The following PTPRT variants were observed in gnomAD, a reference collection of about 807,000 sequenced individuals.
The protein encoded by PTPRT is receptor-type tyrosine-protein phosphatase T.
In PTPRT, 56 loss-of-function variants were observed where a neutral mutation model predicts 176.8. The ratio of observed to expected loss-of-function variants is 0.32; its 90% CI spans 0.26 to 0.40. The LOEUF is 0.40. PTPRT is among the 10% of genes least tolerant of loss of function. The pLI is 1.00. For synonymous variants in PTPRT, 783 were observed against 739.0 expected (o/e 1.06, Z -0.96); for missense variants, 1,540 against 1,908.2 (o/e 0.81, Z 3.60).
chr20:42,121,697 TTATATA>T (rs3086717), intron 19 of PTPRT, among the ~76,000 whole-genome samples: 22 of 140,518 alleles, frequency 1.6e-4, no homozygotes, highest in African/African-American at 4.3e-4. Context: ...AAGAAATTTT[TTATATA>T]TATATATATA....
intron 1 of PTPRT, among the ~76,000 whole-genome samples, chr20:43,057,652 T>C (rs1568758575): frequency 6.6e-6 from 1 of 152,242 alleles, no homozygotes; most frequent in Non-Finnish European, 1.5e-5. Context: ...CTCTGTACTA[T>C]GTTTGCAACT....
chr20:42,555,845 A>C (rs992783092), intron 7 of PTPRT, among the ~76,000 whole-genome samples: 1 of 152,208 alleles, frequency 6.6e-6, no homozygotes, highest in Non-Finnish European at 1.5e-5. Context: ...GGAATGAGAA[A>C]ACATGTGGCG....
At chr20:42,524,910 G>C (rs1757932135) in intron 7 of PTPRT, among the ~76,000 whole-genome samples, 4 of 151,922 alleles carry the variant, frequency 2.6e-5, no homozygotes, top group Admixed American at 2.0e-4. Context: ...TATGTCTGCT[G>C]AGTTTGTCAT....
At chr20:42,432,908 T>G (rs1414956366) in intron 9 of PTPRT, among the ~76,000 whole-genome samples, 1 of 152,182 alleles carries the variant, frequency 6.6e-6, no homozygotes, top group Non-Finnish European at 1.5e-5. Flanking sequence ...TCCGACTATC[T>G]TGGGCACACT....
At chr20:42,457,812 C>T (rs2070948957) in intron 8 of PTPRT, among the ~76,000 whole-genome samples, 1 of 152,150 alleles carries the variant, frequency 6.6e-6, no homozygotes, top group African/African-American at 2.4e-5. Context: ...CTACCCCTTC[C>T]TGTAATTGTT....
intron 1 of PTPRT, among the ~76,000 whole-genome samples, chr20:43,007,572 T>C (rs1448225750): frequency 6.6e-6 from 1 of 152,192 alleles, no homozygotes; most frequent in East Asian, 1.9e-4. Context: ...AATTATCCAA[T>C]TTGAACCATG....
At chr20:43,102,284 T>TCTCTCACACACACA (rs138696752) in intron 1 of PTPRT, among the ~76,000 whole-genome samples, 1 of 140,452 alleles carries the variant, frequency 7.1e-6, no homozygotes, top group African/African-American at 2.7e-5. Flanking sequence ...CACTCACACA[T>TCTCTCACACACACA]CACACACACA....
intron 7 of PTPRT, among the ~76,000 whole-genome samples, chr20:42,515,809 G>A (rs2072054342): frequency 6.6e-6 from 1 of 151,448 alleles, no homozygotes; most frequent in Non-Finnish European, 1.5e-5. Flanking sequence ...GCACACGTAT[G>A]TTTATTGCGG....
intron 15 of PTPRT, among the ~76,000 whole-genome samples, chr20:42,231,441 G>T (rs2056133198): frequency 6.6e-6 from 1 of 152,224 alleles, no homozygotes; most frequent in Non-Finnish European, 1.5e-5. Flanking sequence ...CATATACTTT[G>T]CAGGGCTTGT....
intron 16 of PTPRT, among the ~76,000 whole-genome samples, chr20:42,171,287 T>C (rs1165166922): frequency 6.6e-6 from 1 of 152,096 alleles, no homozygotes; most frequent in African/African-American, 2.4e-5. Flanking sequence ...AAAAGTTGAT[T>C]TGGTAAACAC....
intron 9 of PTPRT, among the ~76,000 whole-genome samples, chr20:42,390,724 C>T (rs1033958944): frequency 6.6e-6 from 1 of 152,184 alleles, no homozygotes; most frequent in Non-Finnish European, 1.5e-5. Context: ...CAGCTGACAT[C>T]TCAACTGCAA....
intron 1 of PTPRT, among the ~76,000 whole-genome samples, chr20:43,003,500 C>A (rs143554515): frequency 1.2e-3 from 181 of 152,308 alleles, no homozygotes; most frequent in East Asian, 3.9e-4. Context: ...CCACGCCCAG[C>A]CTCTTGTGCT....
chr20:42,391,935 A>T (rs1284031290), intron 9 of PTPRT, among the ~76,000 whole-genome samples: 1 of 152,152 alleles, frequency 6.6e-6, no homozygotes, highest in African/African-American at 2.4e-5. Context: ...GATGCCCTAC[A>T]GGAGTCAACA....
intron 14 of PTPRT, among the ~76,000 whole-genome samples, chr20:42,242,392 T>G (rs1172107920): frequency 1.3e-5 from 2 of 152,242 alleles, no homozygotes; most frequent in Non-Finnish European, 2.9e-5. Flanking sequence ...GAGATGAAGA[T>G]GAATCAGAAT....
intron 1 of PTPRT, among the ~76,000 whole-genome samples, chr20:43,060,283 C>T (rs1803833183): frequency 6.6e-6 from 1 of 152,280 alleles, no homozygotes; most frequent in East Asian, 1.9e-4. Flanking sequence ...TTCAAGGCTA[C>T]AAGAAGTTCT....
chr20:42,046,778 A>AGTGTGTGTGTGTGT, the PTPRT span, among the ~76,000 whole-genome samples: 108 of 150,808 alleles, frequency 7.2e-4, no homozygotes, highest in Middle Eastern at 3.4e-3. Context: ...TTGTCATGTG[A>AGTGTGTGTGTGTGT]GTGTGTGTGT....
intron 2 of PTPRT, among the ~76,000 whole-genome samples, chr20:42,855,741 T>C (rs572843064): frequency 6.6e-6 from 1 of 152,102 alleles, no homozygotes; most frequent in East Asian, 1.9e-4. Context: ...CCATCCTCCC[T>C]TTCAAGATGG....
intron 12 of PTPRT, among the ~76,000 whole-genome samples, chr20:42,308,808 T>C (rs1034642650): frequency 3.9e-5 from 6 of 152,210 alleles, no homozygotes; most frequent in Non-Finnish European, 7.3e-5. Flanking sequence ...ACCATTTCTT[T>C]AACAGTGGTT....
chr20:42,127,608 C>T (rs1289480975), intron 19 of PTPRT, among the ~76,000 whole-genome samples: 2 of 152,186 alleles, frequency 1.3e-5, no homozygotes, highest in African/African-American at 4.8e-5. Flanking sequence ...TCTATAAATA[C>T]ATTTGAGAGT....
Sources: allele counts gnomAD v4.1 joint callset (sites outside exome capture counted in the v4.1 genomes callset), GRCh38; gene constraint gnomAD v4.1.1; transcripts MANE v1.5; gene names NCBI Gene and HGNC (gene_info 2026-07-23, HGNC 2026-07-21).